The following MSRA variants were observed in gnomAD, a reference collection of about 807,000 sequenced individuals.
The protein encoded by MSRA is methionine sulfoxide reductase A, also known as mitochondrial peptide methionine sulfoxide reductase.
In MSRA, 54 loss-of-function variants were observed where a neutral mutation model predicts 31.3. The observed-to-expected ratio is 1.73, with a 90% CI of 1.39 to 2.17. The LOEUF is 2.17. Ranked by LOEUF, MSRA falls within the 30% of genes most tolerant of loss-of-function variation. The probability of loss-of-function intolerance (pLI) is 0.00; values close to 1 mark genes in which losing one functional copy is unlikely to be tolerated. For missense variants in MSRA, 507 were observed against 300.9 expected, an observed-to-expected ratio of 1.69 and a Z score of -5.07; for synonymous variants, 169 against 116.5, an observed-to-expected ratio of 1.45 and a Z score of -2.90.
intron 3 of MSRA, among the ~76,000 whole-genome samples, chr8:10,255,440 A>T (rs1175125125): frequency 1.3e-5 from 2 of 152,168 alleles, no homozygotes; most frequent in Admixed American, 6.5e-5. Flanking sequence ...TTCCGTTTTC[A>T]ATTTCAGCCT....
At chr8:10,405,137 CA>C (rs1224036387) in intron 5 of MSRA, among the ~76,000 whole-genome samples, 5 of 152,182 alleles carry the variant, frequency 3.3e-5, no homozygotes, top group Non-Finnish European at 7.3e-5. Flanking sequence ...GTTCTCTTCA[CA>C]AAATAGCAAG....
intron 1 of MSRA, among the ~76,000 whole-genome samples, chr8:10,099,965 C>G (rs902914782): frequency 2.6e-5 from 4 of 152,132 alleles, no homozygotes; most frequent in African/African-American, 7.2e-5. Flanking sequence ...TAAAGTGTTT[C>G]TTTTGAGGGC....
intron 2 of MSRA, among the ~76,000 whole-genome samples, chr8:10,208,481 CTG>C (rs528265613): frequency 1.2e-4 from 18 of 152,146 alleles, no homozygotes; most frequent in Admixed American, 2.0e-4. Context: ...CCTTTTTAAT[CTG>C]TGTTTCCTTC....
chr8:10,293,546 TTGAA>T (rs1201426064), intron 3 of MSRA, among the ~76,000 whole-genome samples: 2 of 152,188 alleles, frequency 1.3e-5, no homozygotes, highest in African/African-American at 2.4e-5. Flanking sequence ...CACTTGATAT[TTGAA>T]TGATTTTGGA....
chr8:10,280,508 T>C (rs909294404), intron 3 of MSRA, among the ~76,000 whole-genome samples: 1 of 152,254 alleles, frequency 6.6e-6, no homozygotes, highest in Non-Finnish European at 1.5e-5. Context: ...TTGATAGTGA[T>C]GTCTAATAGT....
At chr8:10,229,371 G>A (rs1811268872) in intron 2 of MSRA, among the ~76,000 whole-genome samples, 1 of 152,216 alleles carries the variant, frequency 6.6e-6, no homozygotes, top group Non-Finnish European at 1.5e-5. Context: ...GAGAAATGGA[G>A]AAACTGGCTC....
chr8:10,179,606 G>A (rs1806363742), intron 1 of MSRA, among the ~76,000 whole-genome samples: 1 of 152,126 alleles, frequency 6.6e-6, no homozygotes, highest in Non-Finnish European at 1.5e-5. Context: ...GACATTCCTG[G>A]TTTCTGGTCC....
At position 10,343,020 on chromosome 8, in the gene MSRA, TACACACACACACACACAC is replaced by T. The variant is rs572591443; in HGVS notation, c.543+23047_543+23064del. Among the ~76,000 whole-genome samples the T allele has an allele frequency of 7.5e-5, 10 of 132,642 alleles. No individual in the cohort carries two copies. The East Asian group carries it at 7.5e-4, about 10-fold the overall frequency. The allele number at this position is 132,642 out of a possible 152,430, so 87.0% of individuals were successfully genotyped here. A position where few individuals can be genotyped will look rare whatever the true frequency, so the allele number is the denominator to read the frequency against. ...AGGAACTGGCATCTTGCATAAGCAT[TACACACACACACACACAC>T]ACACACACACACACAGACACACACA... On this transcript the variant is annotated intron_variant, in intron 5 of 5. Transcript: ENST00000317173.
intron 3 of MSRA, among the ~76,000 whole-genome samples, chr8:10,261,600 G>T (rs915377102): frequency 9.2e-5 from 14 of 152,034 alleles, no homozygotes; most frequent in African/African-American, 2.9e-4. Flanking sequence ...AAGTAAGCAG[G>T]AAGTACACAG....
intron 2 of MSRA, among the ~76,000 whole-genome samples, chr8:10,239,353 G>C (rs1812212254): frequency 1.3e-5 from 2 of 152,090 alleles, no homozygotes; most frequent in Admixed American, 1.3e-4. Context: ...GGAGAGACGG[G>C]GTTTCACCAT....
At chr8:10,182,407 G>C (rs546864841) in intron 1 of MSRA, among the ~76,000 whole-genome samples, 5 of 152,134 alleles carry the variant, frequency 3.3e-5, no homozygotes, top group Admixed American at 2.0e-4. Context: ...CAGGAATCCG[G>C]ACACAGCTCA....
At chr8:10,370,459 C>G (rs1205244243) in intron 5 of MSRA, among the ~76,000 whole-genome samples, 3 of 152,222 alleles carry the variant, frequency 2.0e-5, no homozygotes, top group African/African-American at 7.2e-5. Flanking sequence ...TCCAAGGAAA[C>G]AGATTTCACA....
intron 1 of MSRA, among the ~76,000 whole-genome samples, chr8:10,086,366 A>G (rs1173507706): frequency 1.3e-5 from 2 of 152,236 alleles, no homozygotes; most frequent in African/African-American, 2.4e-5. Flanking sequence ...GGTTTGGCCA[A>G]GTTGAGTTTG....
At chr8:10,083,498 TAA>T (rs1299122855) in intron 1 of MSRA, among the ~76,000 whole-genome samples, 1 of 152,216 alleles carries the variant, frequency 6.6e-6, no homozygotes, top group Non-Finnish European at 1.5e-5. Context: ...TTGATGCACT[TAA>T]AGTTTTTCTC....
At chr8:10,265,429 TCATTA>T (rs964380902) in intron 3 of MSRA, among the ~76,000 whole-genome samples, 1 of 152,130 alleles carries the variant, frequency 6.6e-6, no homozygotes, top group Non-Finnish European at 1.5e-5. Flanking sequence ...CCTATGCCTC[TCATTA>T]GAGTATTTCA....
Position 10,224,708 on chromosome 8 carries a change from G to C in MSRA, c.211+16807G>C, listed in dbSNP as rs140412472. On this transcript the variant is annotated intron_variant, in intron 2 of 5. Coordinates refer to ENST00000317173, the MANE Select transcript of MSRA (RefSeq NM_012331.5). Reference sequence around the variant, plus strand: ...CTGATTATTACCTCCCCATCAGAGAGAGACACTCCTCGTGGTACAGCTGTG... The same window carrying C: ...CTGATTATTACCTCCCCATCAGAGACAGACACTCCTCGTGGTACAGCTGTG... Among the ~76,000 whole-genome samples, 938 of 152,314 alleles carry C rather than the reference G, an allele frequency of 6.2e-3. 3 individuals carry two copies. The highest frequency in any genetic ancestry group is 9.7e-3 in the Non-Finnish European group (660 of 68,028).
intron 3 of MSRA, among the ~76,000 whole-genome samples, chr8:10,261,531 T>C (rs1208740559): frequency 6.6e-6 from 1 of 152,118 alleles, no homozygotes; most frequent in Non-Finnish European, 1.5e-5. Flanking sequence ...CATTCGTTTC[T>C]ACAAAACCTT....
chr8:10,324,995 C>G (rs916884569), intron 5 of MSRA, among the ~76,000 whole-genome samples: 1 of 152,184 alleles, frequency 6.6e-6, no homozygotes, highest in Admixed American at 6.5e-5. Flanking sequence ...TTGGGCAATG[C>G]AGGTGCATAA....
chr8:10,175,281 T>C (rs1400923208), intron 1 of MSRA, among the ~76,000 whole-genome samples: 1 of 152,212 alleles, frequency 6.6e-6, no homozygotes, highest in Non-Finnish European at 1.5e-5. Context: ...CGATAATCTC[T>C]GCTACACAAT....
Sources: gnomAD v4.1 joint callset for allele counts (sites outside exome capture counted in the v4.1 genomes callset) on GRCh38, gnomAD v4.1.1 for gene constraint, MANE v1.5 for transcripts, NCBI Gene and HGNC (gene_info 2026-07-23, HGNC 2026-07-21) for gene names.